The following ABCB5 variants were observed in gnomAD, a reference collection of about 807,000 sequenced individuals.
ABCB5 encodes ATP binding cassette subfamily B member 5.
A neutral mutation model predicts 144.2 loss-of-function variants in ABCB5; 155 were observed. The observed-to-expected ratio is 1.08, with a 90% CI of 0.94 to 1.23. The LOEUF is 1.23. ABCB5 is among the 50% of genes most tolerant of loss of function. The pLI is 0.00. For synonymous variants in ABCB5, 610 were observed against 528.6 expected (o/e 1.15, Z -2.11); for missense variants, 1,830 against 1,520.8 (o/e 1.20, Z -3.38).
intron 16 of ABCB5, among the ~76,000 whole-genome samples, chr7:20,686,229 A>G (rs539373803): frequency 6.6e-6 from 1 of 152,268 alleles, no homozygotes; most frequent in South Asian, 2.1e-4. Context: ...GGCCCAGCAC[A>G]TACACCACCC....
chr7:20,755,607 G>A lies in ABCB5; in HGVS notation c.3757G>A (p.Ala1253Thr). 1 of 1,614,122 alleles carries A rather than the reference G, an allele frequency of 6.2e-7. No individual in the cohort carries two copies. The highest frequency in any genetic ancestry group is 8.5e-7 in the Non-Finnish European group (1 of 1,180,030). Residue 1253 changes from alanine (A) to threonine (T), a missense_variant, in exon 28 of 28, where the codon GCA becomes ACA. Transcript: ENST00000404938. ...NRDIYFKLVNAQSVQ is the reference protein window; with the variant it reads ...NRDIYFKLVNTQSVQ The stretch of plus-strand genomic sequence containing the variant: ...AGACATATATTTTAAGTTAGTGAAT[G>A]CACAGTCAGTGCAGTGATGCTGTTG...
At chr7:20,698,333 T>C in intron 16 of ABCB5, 74 bp from the exon 17 acceptor site, 4 of 1,317,318 alleles carry the variant, frequency 3.0e-6, no homozygotes, top group East Asian at 4.8e-5. Context: ...TAATTCTGTT[T>C]ATGATGGGCT....
At chr7:20,652,483 T>C (rs1416935304) in intron 13 of ABCB5, among the ~76,000 whole-genome samples, 2 of 152,104 alleles carry the variant, frequency 1.3e-5, no homozygotes, top group African/African-American at 4.8e-5. Context: ...GGCAGGAGAA[T>C]CACTTGAACC....
chr7:20,657,762 G>T (rs1784857399), intron 13 of ABCB5, among the ~76,000 whole-genome samples: 1 of 152,132 alleles, frequency 6.6e-6, no homozygotes, highest in Non-Finnish European at 1.5e-5. Flanking sequence ...GCATTTTATT[G>T]TGTGTAAATT....
chr7:20,728,020 C>G (rs1221044917), intron 22 of ABCB5, among the ~76,000 whole-genome samples: 1 of 152,216 alleles, frequency 6.6e-6, no homozygotes. Context: ...AACTCTTACA[C>G]TAGCCATCCT....
intron 20 of ABCB5, among the ~76,000 whole-genome samples, chr7:20,719,923 G>A (rs1344956084): frequency 7.0e-6 from 1 of 143,792 alleles, no homozygotes; most frequent in African/African-American, 2.7e-5. Flanking sequence ...AGATGTAAAT[G>A]TGTGTTTGTA....
chr7:20,647,923 G>C (rs1316593625), intron 10 of ABCB5, 45 bp from the exon 11 acceptor site: 8 of 1,291,910 alleles, frequency 6.2e-6, no homozygotes, highest in Non-Finnish European at 8.9e-6. Context: ...GAGACTGTCA[G>C]TTTACTCCTT....
At chr7:20,686,740 C>G (rs940171952) in intron 16 of ABCB5, among the ~76,000 whole-genome samples, 2 of 152,148 alleles carry the variant, frequency 1.3e-5, no homozygotes, top group African/African-American at 2.4e-5. Context: ...TCACACCTAT[C>G]CTTGGCCCAT....
At chr7:20,746,753 T>C (rs1363208795) in intron 26 of ABCB5, among the ~76,000 whole-genome samples, 9 of 152,220 alleles carry the variant, frequency 5.9e-5, no homozygotes, top group South Asian at 4.1e-4. Context: ...TTTAAGTGTT[T>C]ATAATATCTG....
At chr7:20,700,254 T>G (rs911049828) in intron 19 of ABCB5, 119 bp downstream of exon 19, 1 of 892,160 alleles carries the variant, frequency 1.1e-6, no homozygotes, top group Non-Finnish European at 1.6e-6. Flanking sequence ...ACACTCTTTT[T>G]GTTCTAAGCA....
rs1786898504 is a variant in ABCB5, at chr7:20,708,514, G to T, written c.2421+3707G>T. 1.3e-5 allele frequency among the ~76,000 whole-genome samples: 2 copies of T among 152,020 alleles called. 1 individual carries two copies. Among genetic ancestry groups the T allele is most frequent in the South Asian group, 4.1e-4 (2 of 4,822 alleles). ...GTGAGATCTTGTCTGAAAAAAAATT[G>T]TTTTTCAATCTTGGCCTTGAATTCA... is the stretch of plus-strand genomic sequence containing the variant. On this transcript the variant is annotated intron_variant, in intron 20 of 27. Transcript: ENST00000404938.
chr7:20,731,369 A>AATAT (rs1554289437), intron 23 of ABCB5, among the ~76,000 whole-genome samples: 14,540 of 122,820 alleles, frequency 0.12, 981 homozygotes, highest in South Asian at 0.14. Flanking sequence ...AAAAAAAAAA[A>AATAT]ATATATATAT....
At chr7:20,628,441 A>G (rs1205088007) in intron 3 of ABCB5, among the ~76,000 whole-genome samples, 2 of 152,132 alleles carry the variant, frequency 1.3e-5, no homozygotes, top group Admixed American at 6.6e-5. Context: ...CAAGTCTGCT[A>G]TTGTGAATAG....
intron 10 of ABCB5, 41 bp downstream of exon 10, chr7:20,647,689 G>T (rs1386990966): frequency 6.5e-7 from 1 of 1,534,334 alleles, no homozygotes; most frequent in East Asian, 2.4e-5. Context: ...TATCATTACT[G>T]CAAGAAGGAG....
intron 4 of ABCB5, among the ~76,000 whole-genome samples, chr7:20,629,731 C>T (rs903553940): frequency 1.3e-5 from 2 of 152,014 alleles, no homozygotes; most frequent in Non-Finnish European, 2.9e-5. Flanking sequence ...CATTGCACTC[C>T]AGCCTGGGCA....
At chr7:20,667,549 T>C in intron 14 of ABCB5, 1 of 975,864 alleles carries the variant, frequency 1.0e-6, no homozygotes, top group East Asian at 1.1e-4. Flanking sequence ...TTAAATTCCA[T>C]ACACATTAAT....
At chr7:20,646,172 G>C in intron 9 of ABCB5, 34 bp downstream of exon 9, 1 of 1,573,798 alleles carries the variant, frequency 6.4e-7, no homozygotes, top group Non-Finnish European at 8.6e-7. Context: ...TGTCAGGCCT[G>C]GATAATCTTT....
chr7:20,662,711 C>G (rs1785041503), intron 14 of ABCB5, among the ~76,000 whole-genome samples: 2 of 152,202 alleles, frequency 1.3e-5, no homozygotes, highest in Non-Finnish European at 2.9e-5. Flanking sequence ...CCTGCTTAAT[C>G]AAGCTCACAT....
At chr7:20,739,247 T>C (rs1009454349) in intron 24 of ABCB5, 108 bp downstream of exon 24, 9 of 1,161,062 alleles carry the variant, frequency 7.8e-6, no homozygotes, top group African/African-American at 1.6e-5. Flanking sequence ...AAACTAACCA[T>C]TGGGTGCTAT....
Sources: gnomAD v4.1 joint callset for allele counts (sites outside exome capture counted in the v4.1 genomes callset) on GRCh38, gnomAD v4.1.1 for gene constraint, MANE v1.5 for transcripts, NCBI Gene and HGNC (gene_info 2026-07-23, HGNC 2026-07-21) for gene names.